Variants in CPZ observed in about 807,000 individuals in gnomAD.
The protein encoded by CPZ is carboxypeptidase Z.
CPZ carries 103 observed loss-of-function variants against 61.8 expected under a neutral mutation model. The observed-to-expected ratio is 1.67, with a 90% CI of 1.42 to 1.96. CPZ has a LOEUF of 1.96. CPZ is among the 30% of genes most tolerant of loss of function. The pLI is 0.00. For missense variants in CPZ, 1,461 were observed against 914.9 expected (o/e 1.60, Z -7.70); for synonymous variants, 551 against 373.7 (o/e 1.47, Z -5.47).
intron 2 of CPZ, among the ~76,000 whole-genome samples, chr4:8,600,761 C>T (rs1714516877): frequency 6.6e-6 from 1 of 152,266 alleles, no homozygotes; most frequent in Non-Finnish European, 1.5e-5. Flanking sequence ...CGTCTTTGTG[C>T]TGCGGCTGTG....
rs559753840 is a variant in CPZ, at chr4:8,606,851, G to T, written c.1021G>T (p.Ala341Ser). The T allele has an allele frequency of 1.3e-5, 21 of 1,613,378 alleles. 2 individuals carry two copies. In the South Asian group the frequency reaches 2.2e-4, roughly 17 times the overall value. ...EYYRLAETRG[A>S]RSDHIPIPQH... Reference sequence around the variant, plus strand: ...CTACCGGCTGGCGGAGACCCGCGGCGCACGCAGCGACCACATCCCCATCCC... The same window carrying T: ...CTACCGGCTGGCGGAGACCCGCGGCTCACGCAGCGACCACATCCCCATCCC... Residue 341 changes from alanine (A) to serine (S), a missense_variant, in exon 6 of 11, where the codon GCA becomes TCA. Coordinates refer to ENST00000360986, the MANE Select transcript of CPZ (RefSeq NM_001014447.3).
chr4:8,615,728 T>C (rs547720386), intron 9 of CPZ, among the ~76,000 whole-genome samples: 2 of 152,302 alleles, frequency 1.3e-5, no homozygotes, highest in African/African-American at 2.4e-5. Context: ...GAGAGTGACA[T>C]GGCCTGTCTG....
rs761537979 is a variant in CPZ at position 8,612,026 on chromosome 4, G to C, written c.1228-1G>C. ...TTATCTGAGCCAGGTTTCTTTTCCAGATGTTCAAGCTGCTGTCCAGAGCCT... is the reference window on the plus strand; with the variant it reads ...TTATCTGAGCCAGGTTTCTTTTCCACATGTTCAAGCTGCTGTCCAGAGCCT... On this transcript the variant is annotated splice_acceptor_variant, in intron 7 of 10. Transcript: ENST00000360986. LOFTEE classifies it high-confidence loss of function. 1 of 1,613,938 alleles carries C rather than the reference G, an allele frequency of 6.2e-7. No individual in the cohort carries two copies. Among genetic ancestry groups the C allele is most frequent in the South Asian group, 1.1e-5 (1 of 91,068 alleles).
chr4:8,608,742 C>T (rs1262551533), intron 7 of CPZ, among the ~76,000 whole-genome samples: 1 of 151,870 alleles, frequency 6.6e-6, no homozygotes, highest in East Asian at 1.9e-4. Context: ...GTGGCGGTTT[C>T]CCAAAAGGTC....
At chr4:8,597,573 G>A (rs1454979383) in intron 1 of CPZ, 2 of 152,210 alleles carry the variant, frequency 1.3e-5, no homozygotes, top group African/African-American at 4.8e-5. Flanking sequence ...CGCGTTGTGG[G>A]CGTCCGCGGG....
chr4:8,599,489 C>G lies in CPZ; in HGVS notation c.121+4C>G. On this transcript the variant is annotated splice_donor_region_variant and intron_variant, in intron 2 of 10. Coordinates refer to ENST00000360986, the MANE Select transcript of CPZ (RefSeq NM_001014447.3). Reference sequence around the variant, plus strand: ...AGGCCACCAGCTGCAGACAGCGGTACAGTACCGGGACCTCCCTGGCTTCTG... The same window carrying G: ...AGGCCACCAGCTGCAGACAGCGGTAGAGTACCGGGACCTCCCTGGCTTCTG... 6.2e-7 allele frequency: 1 copy of G among 1,613,814 alleles called. No individual in the cohort carries two copies. Among genetic ancestry groups the G allele is most frequent in the East Asian group, 2.2e-5 (1 of 44,870 alleles).
intron 7 of CPZ, chr4:8,611,159 A>G: frequency 2.3e-6 from 1 of 441,034 alleles, no homozygotes; most frequent in East Asian, 7.2e-5. Flanking sequence ...CTCCTTTCTG[A>G]CAGAGGGAGC....
chr4:8,611,738 G>A (rs2109338186), intron 7 of CPZ, among the ~76,000 whole-genome samples: 1 of 151,864 alleles, frequency 6.6e-6, no homozygotes, highest in South Asian at 2.1e-4. Context: ...AGGAGAGAAA[G>A]CCCACACTAC....
intron 2 of CPZ, among the ~76,000 whole-genome samples, chr4:8,600,792 T>C (rs1714518934): frequency 6.6e-6 from 1 of 152,248 alleles, no homozygotes; most frequent in Non-Finnish European, 1.5e-5. Flanking sequence ...GGTCTGTGCC[T>C]GTCCCTGCCT....
chr4:8,609,347 TCTCATTCATTCACTCACAAA>T lies in CPZ; in HGVS notation c.1227+1931_1227+1950del, dbSNP rs200559444. Among the ~76,000 whole-genome samples the T allele has an allele frequency of 9.3e-4, 141 of 152,232 alleles. 2 individuals are homozygous for T. The East Asian group carries it at 0.014, about 15-fold the overall frequency. ...CACTCACTTTTTCACTCACTCATTC[TCTCATTCATTCACTCACAAA>T]CTCATTCACTCACTCTTATTCTTTC... is the stretch of plus-strand genomic sequence containing the variant. On this transcript the variant is annotated intron_variant, in intron 7 of 10. Transcript: ENST00000360986.
Position 8,618,418 on chromosome 4 carries a change from G to T in CPZ, c.1504-11G>T, listed in dbSNP as rs753101819. On this transcript the variant is annotated splice_polypyrimidine_tract_variant and intron_variant, in intron 9 of 10. Transcript: ENST00000360986. ...CACGCCATCTCCCTGGCCTCCCCTTGGTCTCTTCAGGTGCACCGGGGCATC... is the reference window on the plus strand; with the variant it reads ...CACGCCATCTCCCTGGCCTCCCCTTTGTCTCTTCAGGTGCACCGGGGCATC... The T allele has an allele frequency of 1.9e-6, 3 of 1,613,718 alleles. No individual in the cohort carries two copies. The highest frequency in any genetic ancestry group is 2.2e-5 in the East Asian group (1 of 44,886).
chr4:8,607,344 C>G lies in CPZ; in HGVS notation c.1146C>G (p.Gly382=). The G allele has an allele frequency of 2.5e-6, 4 of 1,614,082 alleles. No individual in the cohort carries two copies. The highest frequency in any genetic ancestry group is 2.5e-6 in the Non-Finnish European group (3 of 1,179,970). Reference sequence around the variant, plus strand: ...TGCTCTCAGCCAGCCTTCATGGGGGCGACCTGGTGGTGTCCTACCCCTTCG... The same window carrying G: ...TGCTCTCAGCCAGCCTTCATGGGGGGGACCTGGTGGTGTCCTACCCCTTCG... ...PFVLSASLHG[G]DLVVSYPFDF... is the part of the protein sequence containing the mutation. Residue 382 remains glycine (G), a synonymous_variant, in exon 7 of 11, where the codon GGC becomes GGG. Coordinates refer to ENST00000360986, the MANE Select transcript of CPZ (RefSeq NM_001014447.3).
At position 8,614,487 on chromosome 4, in the gene CPZ, T is replaced by A. The variant is rs1290793281; in HGVS notation, c.1492T>A (p.Phe498Ile). The A allele has an allele frequency of 6.2e-7, 1 of 1,613,340 alleles. No individual in the cohort carries two copies. The highest frequency in any genetic ancestry group is 1.3e-5 in the African/African-American group (1 of 74,916). The change falls in exon 9 of 11, where the codon TTC becomes ATC. Residue 498 changes from phenylalanine (F) to isoleucine (I), a missense_variant. Phe to Ile is a conservative substitution (Grantham distance 21). Coordinates refer to ENST00000360986, the MANE Select transcript of CPZ (RefSeq NM_001014447.3). Reference protein sequence around the residue: ...WQHNKESLLNFVETVHRGIKG... With the variant: ...WQHNKESLLNIVETVHRGIKG... ...GCACAACAAGGAGTCACTCCTGAAT[T>A]TCGTGGAGACGGTGAGTTCTGACGG...
At position 8,604,099 on chromosome 4, in the gene CPZ, T is replaced by G; in HGVS notation, c.620T>G (p.Val207Gly). The G allele has an allele frequency of 6.2e-7, 1 of 1,607,690 alleles. No individual in the cohort carries two copies. The highest frequency in any genetic ancestry group is 8.5e-7 in the Non-Finnish European group (1 of 1,177,946). Residue 207 changes from valine (V) to glycine (G), a missense_variant, in exon 4 of 11, where the codon GTG becomes GGG. Transcript: ENST00000360986. ...LRRTASRCAH[V>G]ARTYSIGRSF... ...CGGACGGCCTCCCGCTGCGCCCACG[T>G]GGCCAGGACCTACAGCATCGGGCGC...
At chr4:8,607,779 C>A (rs1393842669) in intron 7 of CPZ, among the ~76,000 whole-genome samples, 2 of 152,120 alleles carry the variant, frequency 1.3e-5, no homozygotes, top group African/African-American at 4.8e-5. Flanking sequence ...CAGAGGGGTG[C>A]GTTTCCGGGA....
intron 3 of CPZ, 22 bp downstream of exon 3, chr4:8,601,519 C>T: frequency 6.9e-7 from 1 of 1,444,498 alleles, no homozygotes; most frequent in Middle Eastern, 1.8e-4. Context: ...TGGCGGGGGC[C>T]TGTGTGGTCA....
intron 1 of CPZ, among the ~76,000 whole-genome samples, chr4:8,593,621 C>T (rs907641927): frequency 1.3e-5 from 2 of 152,206 alleles, no homozygotes. Flanking sequence ...TCAGGACTCT[C>T]ATCAGAAGCA....
chr4:8,613,421 C>G lies in CPZ; in HGVS notation c.1364-938C>G, dbSNP rs563444698. Among the ~76,000 whole-genome samples the G allele has an allele frequency of 5.9e-5, 9 of 152,356 alleles. No homozygotes were observed. In the South Asian group the frequency reaches 6.2e-4, roughly 11 times the overall value. ...CTGGGATTATAGGCGTGAGCCACTGCACCTGGCCTCTGTCCCTCTTGCCCC... is the reference window on the plus strand; with the variant it reads ...CTGGGATTATAGGCGTGAGCCACTGGACCTGGCCTCTGTCCCTCTTGCCCC... On this transcript the variant is annotated intron_variant, in intron 8 of 10. Coordinates refer to ENST00000360986, the MANE Select transcript of CPZ (RefSeq NM_001014447.3).
chr4:8,598,704 A>C (rs1038906699), intron 1 of CPZ, among the ~76,000 whole-genome samples: 8 of 152,234 alleles, frequency 5.3e-5, no homozygotes, highest in African/African-American at 1.9e-4. Context: ...TGCCTGATGC[A>C]CACAGAGCCT....
Sources: allele counts gnomAD v4.1 joint callset (sites outside exome capture counted in the v4.1 genomes callset), GRCh38; gene constraint gnomAD v4.1.1; transcripts MANE v1.5; gene names NCBI Gene and HGNC (gene_info 2026-07-23, HGNC 2026-07-21).